SAMD9L: variants seen among roughly 807,000 people sequenced by gnomAD.
The protein encoded by SAMD9L is sterile alpha motif domain containing 9 like.
A neutral mutation model predicts 90.7 loss-of-function variants in SAMD9L; 68 were observed. The observed-to-expected ratio is 0.75, with a 90% CI of 0.62 to 0.92. The LOEUF (loss-of-function observed/expected upper bound fraction) is 0.92, where lower values mean the gene tolerates loss of function less well. Ranked by LOEUF, SAMD9L falls within the 40% of genes least tolerant of loss-of-function variation. The pLI, the probability that SAMD9L is intolerant of heterozygous loss-of-function variation, is 0.00. For missense variants in SAMD9L, 1,604 were observed against 1,824.3 expected (o/e 0.88, Z 2.20); for synonymous variants, 640 against 630.1 (o/e 1.02, Z -0.23).
intron 4 of SAMD9L, among the ~76,000 whole-genome samples, chr7:93,141,292 T>A (rs1021031490): frequency 6.6e-6 from 1 of 152,206 alleles, no homozygotes; most frequent in African/African-American, 2.4e-5. Context: ...TATCTAGAGT[T>A]TTATCTAGAG....
At position 93,135,687 on chromosome 7, in the gene SAMD9L, C is replaced by T. The variant is rs183453750; in HGVS notation, c.285G>A (p.Pro95=). 167 of 1,613,950 alleles carry T rather than the reference C, an allele frequency of 1.0e-4. No individual in the cohort carries two copies. The highest frequency in any genetic ancestry group is 1.2e-4 in the African/African-American group (9 of 75,004). ...GATTTTTCTGGTGTTCTGTTTTGGACGGTTTTGAATTATCTAATTGTCCCG... is the reference window on the plus strand; with the variant it reads ...GATTTTTCTGGTGTTCTGTTTTGGATGGTTTTGAATTATCTAATTGTCCCG... ...HDPGQLDNSK[P]SKTEHQKNPK... The change falls in exon 5 of 5, where the codon CCG becomes CCA. Residue 95 remains proline, a synonymous_variant. Transcript: ENST00000318238.
chr7:93,133,916 GTTC>G lies in SAMD9L; in HGVS notation c.2053_2055del (p.Glu685del). 6.2e-7 allele frequency: 1 copy of G among 1,613,790 alleles called. No individual in the cohort carries two copies. Among genetic ancestry groups the G allele is most frequent in the Non-Finnish European group, 8.5e-7 (1 of 1,179,840 alleles). Reference sequence around the variant, plus strand: ...GATACTTTGCCACCTCGATAAAAGTGTTCTTCTTTTGATTTCTTAAACTCCAGG... The same window carrying G: ...GATACTTTGCCACCTCGATAAAAGTGTTCTTTTGATTTCTTAAACTCCAGG... On this transcript the variant is annotated inframe_deletion, in exon 5 of 5. Coordinates refer to ENST00000318238, the MANE Select transcript of SAMD9L (RefSeq NM_152703.5).
Position 93,131,515 on chromosome 7 carries a change from C to A in SAMD9L, c.4457G>T (p.Ser1486Ile). 1 of 1,613,964 alleles carries A rather than the reference C, an allele frequency of 6.2e-7. No homozygotes were observed. Among genetic ancestry groups the A allele is most frequent in the Non-Finnish European group, 8.5e-7 (1 of 1,179,896 alleles). The change falls in exon 5 of 5, where the codon AGT becomes ATT. Residue 1486 changes from serine (S) to isoleucine (I), a missense_variant. This residue lies in a region of SAMD9L where 282 missense variants were observed against 329.6 expected (regional missense o/e 0.86). Transcript: ENST00000318238. ...FYLGKRKGLNSIVHKAKIEQY... is the reference protein window; with the variant it reads ...FYLGKRKGLNIIVHKAKIEQY... ...CTCTATTTTGGCCTTGTGAACAATA[C>A]TGTTTAGACCCTTCCTTTTGCCCAG...
Position 93,132,052 on chromosome 7 carries a change from A to G in SAMD9L, c.3920T>C (p.Phe1307Ser), listed in dbSNP as rs1199597457. Residue 1307 changes from phenylalanine (F) to serine (S), a missense_variant, in exon 5 of 5, where the codon TTC becomes TCC. Transcript: ENST00000318238. ...SRCFRKYTELFCHLDPCLLQS... is the reference protein window; with the variant it reads ...SRCFRKYTELSCHLDPCLLQS... ...TAATAGACATGGATCCAAATGACAG[A>G]AAAGTTCTGTGTATTTCCTGAAACA... is the stretch of plus-strand genomic sequence containing the variant. The G allele has an allele frequency of 6.2e-7, 1 of 1,613,718 alleles. No individual in the cohort carries two copies. Among genetic ancestry groups the G allele is most frequent in the Admixed American group, 1.7e-5 (1 of 59,894 alleles).
At position 93,132,228 on chromosome 7, in the gene SAMD9L, C is replaced by T; in HGVS notation, c.3744G>A (p.Leu1248=). 6.2e-7 allele frequency: 1 copy of T among 1,613,748 alleles called. No individual in the cohort carries two copies. The highest frequency in any genetic ancestry group is 8.5e-7 in the Non-Finnish European group (1 of 1,179,852). ...GGTGGGATGTGAACTTGCTAAGAGC[C>T]AAATAACATTCATTTCTGGGATCAG... ...IPPDPRNECY[L]ALSKFTSHLK... is the part of the protein sequence containing the mutation. Residue 1248 remains leucine (L), a synonymous_variant, in exon 5 of 5, where the codon TTG becomes TTA. Coordinates refer to ENST00000318238, the MANE Select transcript of SAMD9L (RefSeq NM_152703.5).
intron 4 of SAMD9L, among the ~76,000 whole-genome samples, chr7:93,140,867 T>A (rs42497): frequency 2.6e-5 from 4 of 152,034 alleles, no homozygotes; most frequent in Non-Finnish European, 4.4e-5. Context: ...CCTCATCTAC[T>A]AGATCTCCTT....
In SAMD9L at chr7:93,135,604, G is replaced by A. The variant is rs148147724; in HGVS notation, c.368C>T (p.Pro123Leu). 8.7e-5 allele frequency: 140 copies of A among 1,613,698 alleles called. 1 individual carries two copies. The African/African-American group carries it at 1.7e-3, about 20-fold the overall frequency. ...TTGTTTGATATCTCTGATCTCTCTG[G>A]GATCATAATCAATATTAGATGACAT... ...NSMSSNIDYD[P>L]REIRDIKQEE... Residue 123 changes from proline (P) to leucine (L), a missense_variant, in exon 5 of 5, where the codon CCC becomes CTC. This residue lies in a region of SAMD9L where 374 missense variants were observed against 363.6 expected (regional missense o/e 1.03). Transcript: ENST00000318238.
chr7:93,131,129 T>C lies in SAMD9L; in HGVS notation c.*88A>G. On this transcript the variant is annotated 3_prime_UTR_variant, in exon 5 of 5. Transcript: ENST00000318238. ...ATCTGTAATTAGAGGTTAGCCATAA[T>C]GTTATGAAAGTGCCATGAGAATAGA... 1.2e-6 allele frequency: 1 copy of C among 842,162 alleles called. No homozygotes were observed. Among genetic ancestry groups the C allele is most frequent in the Non-Finnish European group, 1.7e-6 (1 of 573,630 alleles). The allele number at this position is 842,162 out of a possible 1,614,324, so 52.2% of individuals were successfully genotyped here.
In SAMD9L at chr7:93,131,184, T is replaced by C. The variant is rs1296447130; in HGVS notation, c.*33A>G. On this transcript the variant is annotated 3_prime_UTR_variant, in exon 5 of 5. Transcript: ENST00000318238. ...GAGAATAAAATCATAAAGATATAAA[T>C]AAACGTATTTGAACTACAGGTGATG... 1 of 1,187,880 alleles carries C rather than the reference T, an allele frequency of 8.4e-7. No individual in the cohort carries two copies. Among genetic ancestry groups the C allele is most frequent in the South Asian group, 1.5e-5 (1 of 65,756 alleles). The allele number at this position is 1,187,880 out of a possible 1,614,324, so 73.6% of individuals were successfully genotyped here.
In SAMD9L at chr7:93,134,367, T is replaced by G; in HGVS notation, c.1605A>C (p.Glu535Asp). 6.2e-7 allele frequency: 1 copy of G among 1,612,338 alleles called. No individual in the cohort carries two copies. Among genetic ancestry groups the G allele is most frequent in the African/African-American group, 1.3e-5 (1 of 74,816 alleles). ...AAAATTTTCCTCTTGTCATTATATTTTCATCTGTGAGAAATAAAATTAGTT... is the reference window on the plus strand; with the variant it reads ...AAAATTTTCCTCTTGTCATTATATTGTCATCTGTGAGAAATAAAATTAGTT... Reference protein sequence around the residue: ...VRKLILFLTDENIMTRGKFLV... With the variant: ...VRKLILFLTDDNIMTRGKFLV... The change falls in exon 5 of 5, where the codon GAA becomes GAC. Residue 535 changes from glutamate (E) to aspartate (D), a missense_variant. Transcript: ENST00000318238.
rs960927778 is a variant in SAMD9L, at chr7:93,133,180, T to C, written c.2792A>G (p.Tyr931Cys). 1 of 1,613,566 alleles carries C rather than the reference T, an allele frequency of 6.2e-7. No homozygotes were observed. The highest frequency in any genetic ancestry group is 8.5e-7 in the Non-Finnish European group (1 of 1,179,770). Reference protein sequence around the residue: ...LISFLALLSSYVTDSTISVSQ... With the variant: ...LISFLALLSSCVTDSTISVSQ... ...AACTGAAATTGTAGAGTCAGTAACATAAGAGCTGAGTAAAGCCAGGAAGGA... is the reference window on the plus strand; with the variant it reads ...AACTGAAATTGTAGAGTCAGTAACACAAGAGCTGAGTAAAGCCAGGAAGGA... Residue 931 changes from tyrosine to cysteine, a missense_variant, in exon 5 of 5, where the codon TAT becomes TGT. Transcript: ENST00000318238.
chr7:93,132,024 TTGTAATAGACA>T lies in SAMD9L; in HGVS notation c.3937_3947del (p.Cys1313LysfsTer2). ...CCTGGAGTAATTGACTCTCTTTACT[TTGTAATAGACA>T]TGGATCCAAATGACAGAAAAGTTCT... On this transcript the variant is annotated frameshift_variant, in exon 5 of 5. Coordinates refer to ENST00000318238, the MANE Select transcript of SAMD9L (RefSeq NM_152703.5). LOFTEE classifies it high-confidence loss of function. 6.2e-7 allele frequency: 1 copy of T among 1,613,456 alleles called. No homozygotes were observed. Among genetic ancestry groups the T allele is most frequent in the Middle Eastern group, 1.7e-4 (1 of 6,058 alleles).
At chr7:93,145,234 A>G (rs1792845587) in intron 3 of SAMD9L, among the ~76,000 whole-genome samples, 151 bp downstream of exon 3, 5 of 152,230 alleles carry the variant, frequency 3.3e-5, no homozygotes, top group Admixed American at 2.6e-4. Flanking sequence ...GATATTTCTC[A>G]TTCCTTTTAA....
Position 93,132,839 on chromosome 7 carries a change from T to C in SAMD9L, c.3133A>G (p.Lys1045Glu). 6.2e-7 allele frequency: 1 copy of C among 1,613,810 alleles called. No individual in the cohort carries two copies. The highest frequency in any genetic ancestry group is 2.2e-5 in the East Asian group (1 of 44,870). Residue 1045 changes from lysine to glutamate, a missense_variant, in exon 5 of 5, where the codon AAG (lysine) becomes GAG (glutamate). Lys to Glu is a moderately conservative substitution (Grantham distance 56). Coordinates refer to ENST00000318238, the MANE Select transcript of SAMD9L (RefSeq NM_152703.5). ...GTGTCTGTTTCATCTCCATACACCT[T>C]GCGCTGTCTTGTAAGCAGAAGAGTT... ...VQTLLLTRQR[K>E]VYGDETDTLF... is the part of the protein sequence containing the mutation.
At position 93,131,850 on chromosome 7, in the gene SAMD9L, C is replaced by CT. The variant is rs1033729089; in HGVS notation, c.4121dup (p.Pro1375AlafsTer5). On this transcript the variant is annotated frameshift_variant, in exon 5 of 5. Transcript: ENST00000318238. LOFTEE classifies it high-confidence loss of function. ...AATTTTGTTTCTCATTTGTCATGGG[C>CT]TTTTTTGAGTTTTGCTGCAGTAGGA... 54 of 1,611,942 alleles carry CT rather than the reference C, an allele frequency of 3.4e-5. No homozygotes were observed. Among genetic ancestry groups the CT allele is most frequent in the Non-Finnish European group, 4.2e-5 (49 of 1,179,822 alleles).
At position 93,132,833 on chromosome 7, in the gene SAMD9L, A is replaced by T. The variant is rs1480078726; in HGVS notation, c.3139T>A (p.Tyr1047Asn). Residue 1047 changes from tyrosine (Y) to asparagine (N), a missense_variant, in exon 5 of 5, where the codon TAT (tyrosine) becomes AAT (asparagine). Tyr to Asn is a moderately radical substitution (Grantham distance 143, BLOSUM62 -2). Coordinates refer to ENST00000318238, the MANE Select transcript of SAMD9L (RefSeq NM_152703.5). ...AACAGAGTGTCTGTTTCATCTCCAT[A>T]CACCTTGCGCTGTCTTGTAAGCAGA... ...TLLLTRQRKV[Y>N]GDETDTLFSP... The T allele has an allele frequency of 1.2e-6, 2 of 1,613,802 alleles. No homozygotes were observed. Among genetic ancestry groups the T allele is most frequent in the South Asian group, 2.2e-5 (2 of 91,074 alleles).
intron 4 of SAMD9L, among the ~76,000 whole-genome samples, chr7:93,143,409 C>T (rs1267983029): frequency 2.6e-5 from 4 of 151,964 alleles, no homozygotes; most frequent in Non-Finnish European, 5.9e-5. Context: ...ATGCTCTCAG[C>T]TACCATGCTC....
rs1205818039 is a variant in SAMD9L, at chr7:93,145,823, A to G, written c.-561T>C. The G allele has an allele frequency of 6.6e-6, 1 of 152,186 alleles. No homozygotes were observed. Among genetic ancestry groups the G allele is most frequent in the Non-Finnish European group, 1.5e-5 (1 of 68,028 alleles). 9.4% of individuals were successfully genotyped at this position (152,186 alleles called of 1,614,324 possible). ...AACTCAAAAAGTATGTGACAGGTACACTTTATCTCTCTTCCAGCATTCCAC... is the reference window on the plus strand; with the variant it reads ...AACTCAAAAAGTATGTGACAGGTACGCTTTATCTCTCTTCCAGCATTCCAC... On this transcript the variant is annotated 5_prime_UTR_variant, in exon 3 of 5. Transcript: ENST00000318238.
chr7:93,137,624 C>A (rs1792505811), intron 4 of SAMD9L, among the ~76,000 whole-genome samples: 1 of 152,054 alleles, frequency 6.6e-6, no homozygotes, highest in East Asian at 1.9e-4. Flanking sequence ...CCCCCACTAC[C>A]CTGTGGAAAA....
Sources: gnomAD v4.1 joint callset for allele counts (sites outside exome capture counted in the v4.1 genomes callset) on GRCh38, gnomAD v4.1.1 for gene constraint, gnomAD v4.1.1 regional missense constraint, MANE v1.5 for transcripts, NCBI Gene and HGNC (gene_info 2026-07-23, HGNC 2026-07-21) for gene names.